NUBPL: variants seen among roughly 807,000 people sequenced by gnomAD.
NUBPL encodes the protein NUBP iron-sulfur cluster assembly factor, mitochondrial.
NUBPL carries 31 observed loss-of-function variants against 45.7 expected under a neutral mutation model. That is an observed-to-expected ratio of 0.68 (90% CI 0.51 to 0.92). The LOEUF is 0.92. Among genes scored for constraint, NUBPL ranks in the 40% least tolerant of loss-of-function variants. The pLI is 0.00. For missense variants in NUBPL, 401 were observed against 398.7 expected (o/e 1.01, Z -0.05); for synonymous variants, 144 against 140.9 (o/e 1.02, Z -0.15).
chr14:31,600,637 T>C (rs2034407700), intron 4 of NUBPL, among the ~76,000 whole-genome samples: 1 of 152,218 alleles, frequency 6.6e-6, no homozygotes, highest in South Asian at 2.1e-4. Flanking sequence ...GCAGACATGA[T>C]AGATTCCGGA....
Position 31,856,799 on chromosome 14 carries a change from A to C in NUBPL, c.898-2319A>C, listed in dbSNP as rs556466874. On this transcript the variant is annotated intron_variant, in intron 10 of 10. Coordinates refer to ENST00000281081, the MANE Select transcript of NUBPL (RefSeq NM_025152.3). ...GCTGATGCAAGAGGTGAGTTCCCAT[A>C]GTCTTGGGCAGCTTTGCCCCTGTAG... Among the ~76,000 whole-genome samples the C allele has an allele frequency of 1.6e-3, 237 of 152,310 alleles. 1 individual carries two copies. Among genetic ancestry groups the C allele is most frequent in the African/African-American group, 5.5e-3 (228 of 41,578 alleles).
chr14:31,723,098 C>G (rs1310429984), intron 6 of NUBPL, among the ~76,000 whole-genome samples: 2 of 152,146 alleles, frequency 1.3e-5, no homozygotes, highest in Non-Finnish European at 2.9e-5. Flanking sequence ...ATTCTTTAAT[C>G]CATCTTGAAC....
At chr14:31,692,303 A>C (rs911275297) in intron 6 of NUBPL, among the ~76,000 whole-genome samples, 6 of 152,192 alleles carry the variant, frequency 3.9e-5, no homozygotes, top group African/African-American at 1.4e-4. Context: ...GTGCTCCTGA[A>C]CATAGATATA....
chr14:31,570,507 C>A (rs1039098112), intron 3 of NUBPL, among the ~76,000 whole-genome samples: 3 of 152,154 alleles, frequency 2.0e-5, no homozygotes, highest in African/African-American at 4.8e-5. Context: ...AGAGCATTTT[C>A]ATGAACATAA....
chr14:31,842,191 G>T (rs1421627976), intron 8 of NUBPL, among the ~76,000 whole-genome samples: 1 of 151,766 alleles, frequency 6.6e-6, no homozygotes, highest in African/African-American at 2.4e-5. Flanking sequence ...CTCCCAAAGA[G>T]CTGGGATTAC....
intron 4 of NUBPL, among the ~76,000 whole-genome samples, chr14:31,660,979 T>C (rs2036255352): frequency 6.6e-6 from 1 of 152,238 alleles, no homozygotes; most frequent in Non-Finnish European, 1.5e-5. Context: ...CTTGTGCCTA[T>C]TTCCTTTTTA....
chr14:31,716,926 T>C (rs2037702284), intron 6 of NUBPL, among the ~76,000 whole-genome samples: 1 of 152,160 alleles, frequency 6.6e-6, no homozygotes, highest in African/African-American at 2.4e-5. Context: ...CTCCCATCTC[T>C]GCTGCTATCC....
chr14:31,695,388 A>T (rs1228166091), intron 6 of NUBPL, among the ~76,000 whole-genome samples: 1 of 147,788 alleles, frequency 6.8e-6, no homozygotes, highest in East Asian at 2.0e-4. Context: ...GCTATCTAAG[A>T]CCAAAAATTA....
Position 31,592,583 on chromosome 14 carries a change from A to G in NUBPL, c.292-6706A>G, listed in dbSNP as rs577760178. On this transcript the variant is annotated intron_variant, in intron 3 of 10. Coordinates refer to ENST00000281081, the MANE Select transcript of NUBPL (RefSeq NM_025152.3). ...CGTGCAATATTTATTGATTATTCAC[A>G]CATAAGGCAGAATGTTTACTATGTT... Among the ~76,000 whole-genome samples the G allele has an allele frequency of 5.9e-5, 9 of 152,270 alleles. No individual in the cohort carries two copies. In the South Asian group the frequency reaches 1.9e-3, roughly 32 times the overall value.
intron 4 of NUBPL, among the ~76,000 whole-genome samples, chr14:31,659,826 A>G (rs1317016494): frequency 6.6e-6 from 1 of 152,206 alleles, no homozygotes. Context: ...GTCTGTCCAC[A>G]TGAGAAAATG....
intron 6 of NUBPL, among the ~76,000 whole-genome samples, chr14:31,727,838 CTTTG>C (rs1223071005): frequency 4.6e-5 from 7 of 152,118 alleles, no homozygotes; most frequent in Non-Finnish European, 7.4e-5. Flanking sequence ...TCACATCACA[CTTTG>C]TTTGTAACAT....
In NUBPL at chr14:31,742,461, T is replaced by C. The variant is rs79583100; in HGVS notation, c.514-45319T>C. ...CGAAGTGGGGTCTTAGATTTTGTAT[T>C]ATTAACAAGCTTCTAGATGATGCTA... On this transcript the variant is annotated intron_variant, in intron 6 of 10. Coordinates refer to ENST00000281081, the MANE Select transcript of NUBPL (RefSeq NM_025152.3). Among the ~76,000 whole-genome samples the C allele has an allele frequency of 3.9e-4, 60 of 152,294 alleles. 1 individual carries two copies. The highest frequency in any genetic ancestry group is 1.3e-3 in the African/African-American group (53 of 41,550).
intron 8 of NUBPL, among the ~76,000 whole-genome samples, chr14:31,839,125 G>T (rs2040329484): frequency 6.6e-6 from 1 of 152,032 alleles, no homozygotes; most frequent in Admixed American, 6.6e-5. Context: ...CATTGTTTTG[G>T]TTTTTTGTTC....
intron 6 of NUBPL, among the ~76,000 whole-genome samples, chr14:31,755,284 A>C (rs2038633272): frequency 6.6e-6 from 1 of 152,152 alleles, no homozygotes; most frequent in Non-Finnish European, 1.5e-5. Flanking sequence ...ACTGACTTCC[A>C]CAATGGTTGA....
At chr14:31,562,325 A>G in intron 2 of NUBPL, 110 bp downstream of exon 2, 1 of 1,051,504 alleles carries the variant, frequency 9.5e-7, no homozygotes, top group Non-Finnish European at 1.4e-6. Flanking sequence ...TGAAGTTCCT[A>G]ACATGTGATT....
intron 9 of NUBPL, among the ~76,000 whole-genome samples, chr14:31,847,924 A>T (rs368109370): frequency 4.6e-5 from 7 of 152,346 alleles, no homozygotes; most frequent in African/African-American, 1.7e-4. Context: ...ATAATAACAG[A>T]TTGACATTCG....
intron 4 of NUBPL, among the ~76,000 whole-genome samples, chr14:31,604,422 A>G (rs1043882985): frequency 1.3e-5 from 2 of 152,296 alleles, no homozygotes; most frequent in South Asian, 4.1e-4. Context: ...ATACAATACA[A>G]AATTACCTAA....
chr14:31,584,429 G>A (rs1052069734), intron 3 of NUBPL, among the ~76,000 whole-genome samples: 2 of 152,132 alleles, frequency 1.3e-5, no homozygotes, highest in Admixed American at 6.6e-5. Flanking sequence ...CTGACCCCCA[G>A]CAGTTTTTTA....
intron 4 of NUBPL, among the ~76,000 whole-genome samples, chr14:31,663,229 A>C (rs2036318489): frequency 1.3e-5 from 2 of 152,052 alleles, no homozygotes; most frequent in Admixed American, 1.3e-4. Context: ...GCTGTGTAGA[A>C]GCTCTTTAGT....
Sources: allele counts gnomAD v4.1 joint callset (sites outside exome capture counted in the v4.1 genomes callset), GRCh38; gene constraint gnomAD v4.1.1; transcripts MANE v1.5; gene names NCBI Gene and HGNC (gene_info 2026-07-23, HGNC 2026-07-21).